Variants in TSHZ1 observed in about 807,000 individuals in gnomAD.
TSHZ1 encodes the protein teashirt homolog 1.
A neutral mutation model predicts 67.1 loss-of-function variants in TSHZ1; 12 were observed. That is an observed-to-expected ratio of 0.18 (90% confidence interval 0.11 to 0.29). The LOEUF is 0.29. Ranked by LOEUF, TSHZ1 falls within the 10% of genes least tolerant of loss-of-function variation. The pLI, the probability that TSHZ1 is intolerant of heterozygous loss-of-function variation, is 1.00. For missense variants in TSHZ1, 1,305 were observed against 1,413.9 expected, an observed-to-expected ratio of 0.92 and a Z score of 1.23; for synonymous variants, 632 against 622.4, an observed-to-expected ratio of 1.02 and a Z score of -0.23.
chr18:75,249,248 C>T (rs1290858713), intron 1 of TSHZ1, among the ~76,000 whole-genome samples: 4 of 152,160 alleles, frequency 2.6e-5, no homozygotes, highest in African/African-American at 9.7e-5. Context: ...GGTGGAGACC[C>T]CGGAGCCACA....
intron 1 of TSHZ1, among the ~76,000 whole-genome samples, chr18:75,236,039 T>A (rs1206979398): frequency 2.0e-5 from 3 of 151,852 alleles, no homozygotes. Context: ...GATAGGAAGC[T>A]TGCGTGATAG....
At chr18:75,270,637 G>A (rs1286167347) in intron 1 of TSHZ1, among the ~76,000 whole-genome samples, 2 of 152,066 alleles carry the variant, frequency 1.3e-5, no homozygotes, top group Non-Finnish European at 2.9e-5. Flanking sequence ...GATTGGAGTG[G>A]GCTTCTTACC....
Position 75,278,611 on chromosome 18 carries a change from C to T in TSHZ1, c.41-6837C>T, listed in dbSNP as rs556357868. On this transcript the variant is annotated intron_variant, in intron 1 of 1. Coordinates refer to ENST00000580243, the MANE Select transcript of TSHZ1 (RefSeq NM_001308210.2). The stretch of plus-strand genomic sequence containing the variant: ...GGGGCAGAAGAACCAGAAGACTCAG[C>T]GCACCGTGAAAGACCGGGGGTGGAG... 4.3e-3 allele frequency among the ~76,000 whole-genome samples: 653 copies of T among 152,128 alleles called. 5 individuals carry two copies. The highest frequency in any genetic ancestry group is 6.9e-3 in the Non-Finnish European group (466 of 68,002).
intron 1 of TSHZ1, among the ~76,000 whole-genome samples, chr18:75,250,209 C>A (rs932389559): frequency 6.6e-6 from 1 of 152,058 alleles, no homozygotes; most frequent in African/African-American, 2.4e-5. Context: ...CCCATCTCAC[C>A]CCTGCTGTAG....
chr18:75,228,107 C>T (rs1036346756), intron 1 of TSHZ1, among the ~76,000 whole-genome samples: 2 of 152,188 alleles, frequency 1.3e-5, no homozygotes, highest in Non-Finnish European at 1.5e-5. Context: ...CCTGAAAACG[C>T]GGATCCATGA....
chr18:75,230,895 G>A (rs1215781973), intron 1 of TSHZ1, among the ~76,000 whole-genome samples: 2 of 152,238 alleles, frequency 1.3e-5, no homozygotes, highest in Admixed American at 6.5e-5. Flanking sequence ...GCATGGGATG[G>A]ATTATAGAAG....
At chr18:75,220,534 G>A (rs932581292) in intron 1 of TSHZ1, among the ~76,000 whole-genome samples, 4 of 152,130 alleles carry the variant, frequency 2.6e-5, no homozygotes, top group Non-Finnish European at 5.9e-5. Flanking sequence ...GGATTTTCTG[G>A]TTTGGGAATA....
At chr18:75,266,799 T>TA (rs1708108640) in intron 1 of TSHZ1, among the ~76,000 whole-genome samples, 2 of 152,356 alleles carry the variant, frequency 1.3e-5, no homozygotes, top group South Asian at 4.1e-4. Flanking sequence ...TTTGTAGCCT[T>TA]ACAAATGTCA....
chr18:75,272,725 C>T (rs940382919), intron 1 of TSHZ1, among the ~76,000 whole-genome samples: 2 of 152,188 alleles, frequency 1.3e-5, no homozygotes. Flanking sequence ...ATACGTGTCC[C>T]ATAGCGTCGT....
chr18:75,263,210 G>A (rs1408097044), intron 1 of TSHZ1, among the ~76,000 whole-genome samples: 1 of 152,158 alleles, frequency 6.6e-6, no homozygotes. Context: ...CATCTGGAAT[G>A]TAATCTAGCA....
At chr18:75,223,626 T>TA (rs113456002) in intron 1 of TSHZ1, among the ~76,000 whole-genome samples, 123 of 146,498 alleles carry the variant, frequency 8.4e-4, no homozygotes, top group Admixed American at 1.2e-3. Context: ...ACAGATTCCT[T>TA]AAAAAAAAAA....
In TSHZ1 at chr18:75,232,387, A is replaced by G. The variant is rs1438622161; in HGVS notation, c.40+20471A>G. Among the ~76,000 whole-genome samples the G allele has an allele frequency of 2.6e-5, 4 of 152,318 alleles. No homozygotes were observed. In the East Asian group the frequency reaches 5.8e-4, roughly 22 times the overall value. On this transcript the variant is annotated intron_variant, in intron 1 of 1. Transcript: ENST00000580243. ...TATCTTTTTACATTTGATAGTTTCA[A>G]TGGACTTGATTTTGCTGATGGCCTT... is the stretch of plus-strand genomic sequence containing the variant.
At chr18:75,280,743 C>G (rs145564231) in intron 1 of TSHZ1, 1 of 985,416 alleles carries the variant, frequency 1.0e-6, no homozygotes, top group East Asian at 1.1e-4. Flanking sequence ...AAATACTCAA[C>G]CCAGAGGCGC....
At position 75,211,165 on chromosome 18, in the gene TSHZ1, G is replaced by C. The variant is rs2022676226; in HGVS notation, c.-712G>C. The C allele has an allele frequency of 6.6e-6, 1 of 152,136 alleles. No homozygotes were observed. The highest frequency in any genetic ancestry group is 2.4e-5 in the African/African-American group (1 of 41,412). The allele number at this position is 152,136 out of a possible 1,614,324, so 9.4% of individuals were successfully genotyped here. The stretch of plus-strand genomic sequence containing the variant: ...GGGTGGAAGCGCGGGGCACCAAGTG[G>C]CGCTCCGGCGGGGTGACACTGTTTG... On this transcript the variant is annotated 5_prime_UTR_variant, in exon 1 of 2. Transcript: ENST00000580243.
At position 75,287,340 on chromosome 18, in the gene TSHZ1, A is replaced by G; in HGVS notation, c.1933A>G (p.Lys645Glu). ...NVSAMEELVE[K>E]VTGKVNIKKE... is the part of the protein sequence containing the mutation. ...GTCTGCCATGGAGGAGCTGGTGGAG[A>G]AGGTCACGGGCAAGGTCAACATCAA... Residue 645 changes from lysine to glutamate, a missense_variant, in exon 2 of 2, where the codon AAG becomes GAG. Physicochemically the swap from Lys to Glu is moderately conservative, Grantham distance 56 (BLOSUM62 1). This residue lies in a region of TSHZ1 where 909 missense variants were observed against 961.8 expected (regional missense o/e 0.95). Transcript: ENST00000580243. This position sits in a 1 kb window ranked among gnomAD's most constrained non-coding sequence, Gnocchi z 5.0. 1.2e-6 allele frequency: 2 copies of G among 1,614,096 alleles called. No homozygotes were observed. The highest frequency in any genetic ancestry group is 1.7e-6 in the Non-Finnish European group (2 of 1,180,022).
chr18:75,242,814 T>A (rs962401414), intron 1 of TSHZ1, among the ~76,000 whole-genome samples: 1 of 152,238 alleles, frequency 6.6e-6, no homozygotes, highest in Non-Finnish European at 1.5e-5. Context: ...ATGCATGGTG[T>A]TTCCATAGCT....
At chr18:75,261,723 T>C (rs1352486575) in intron 1 of TSHZ1, among the ~76,000 whole-genome samples, 1 of 152,266 alleles carries the variant, frequency 6.6e-6, no homozygotes, top group Non-Finnish European at 1.5e-5. Flanking sequence ...TAAGAGCTGC[T>C]GTCATCATTT....
chr18:75,216,167 A>G (rs953181575), intron 1 of TSHZ1, among the ~76,000 whole-genome samples: 11 of 152,208 alleles, frequency 7.2e-5, no homozygotes, highest in Admixed American at 2.0e-4. Context: ...GAAGACCGAA[A>G]TATCTTTTTT....
intron 1 of TSHZ1, among the ~76,000 whole-genome samples, chr18:75,258,449 G>A (rs142877392): frequency 1.3e-5 from 2 of 152,216 alleles, no homozygotes; most frequent in African/African-American, 4.8e-5. Flanking sequence ...TCTTTGTAAA[G>A]TTGCAAGTAT....
Sources: gnomAD v4.1 joint callset for allele counts (sites outside exome capture counted in the v4.1 genomes callset) on GRCh38, gnomAD v4.1.1 for gene constraint, gnomAD v4.1.1 regional missense constraint, Gnocchi (gnomAD v3.1) non-coding constraint, MANE v1.5 for transcripts, NCBI Gene and HGNC (gene_info 2026-07-23, HGNC 2026-07-21) for gene names.